The following COIL variants were observed in gnomAD, a reference collection of about 807,000 sequenced individuals.
The protein encoded by COIL is coilin.
COIL carries 28 observed loss-of-function variants against 51.6 expected under a neutral mutation model. That is an observed-to-expected ratio of 0.54 (90% CI 0.40 to 0.74). The LOEUF is 0.74. COIL is among the 30% of genes least tolerant of loss of function. The pLI is 0.00. For missense variants in COIL, 667 were observed against 685.9 expected, an observed-to-expected ratio of 0.97 and a Z score of 0.31; for synonymous variants, 233 against 255.8, an observed-to-expected ratio of 0.91 and a Z score of 0.85.
chr17:56,959,687 A>G (rs1233019967), intron 1 of COIL, among the ~76,000 whole-genome samples: 1 of 152,238 alleles, frequency 6.6e-6, no homozygotes, highest in Non-Finnish European at 1.5e-5. Context: ...TGAAGAAAAC[A>G]CAACGATTCC....
intron 5 of COIL, among the ~76,000 whole-genome samples, chr17:56,944,928 G>T (rs1284827656): frequency 4.6e-5 from 7 of 151,956 alleles, no homozygotes; most frequent in African/African-American, 2.4e-5. Flanking sequence ...GAGGCAGGAG[G>T]ATGGTGCGAA....
intron 1 of COIL, among the ~76,000 whole-genome samples, chr17:56,953,410 C>CAAAAAAAAAAA (rs11382949): frequency 2.4e-5 from 2 of 84,498 alleles, no homozygotes; most frequent in African/African-American, 4.5e-5. Context: ...GACTCCGTCT[C>CAAAAAAAAAAA]AAAAAAAAAA....
chr17:56,959,361 A>G (rs1265846722), intron 1 of COIL, among the ~76,000 whole-genome samples: 1 of 152,142 alleles, frequency 6.6e-6, no homozygotes, highest in Non-Finnish European at 1.5e-5. Flanking sequence ...AAGAAAAAAA[A>G]AAGTCTGAAT....
chr17:56,950,951 G>C lies in COIL; in HGVS notation c.291C>G (p.Ile97Met), dbSNP rs1390689595. The part of the protein sequence containing the change: ...ERGVAENSVV[I>M]SNGDINLSLR... ...GAGATAAATTAATGTCACCATTACTGATGACTACAGAATTCTCAGCAACTC... is the reference window on the plus strand; with the variant it reads ...GAGATAAATTAATGTCACCATTACTCATGACTACAGAATTCTCAGCAACTC... Residue 97 changes from isoleucine (I) to methionine (M), a missense_variant, in exon 2 of 7, where the codon ATC becomes ATG. By Grantham distance (10) the Ile-to-Met change is conservative. Transcript: ENST00000240316. The C allele has an allele frequency of 3.1e-5, 50 of 1,611,172 alleles. No homozygotes were observed. The highest frequency in any genetic ancestry group is 4.2e-5 in the Non-Finnish European group (49 of 1,179,736).
intron 1 of COIL, among the ~76,000 whole-genome samples, chr17:56,960,013 C>A (rs1432553688): frequency 2.6e-5 from 4 of 152,136 alleles, no homozygotes; most frequent in African/African-American, 9.7e-5. Flanking sequence ...GAGTTCAAGA[C>A]CAGCCTGGCC....
chr17:56,955,080 T>C (rs1270696535), intron 1 of COIL, among the ~76,000 whole-genome samples: 1 of 152,220 alleles, frequency 6.6e-6, no homozygotes, highest in Non-Finnish European at 1.5e-5. Context: ...CTTTTCTTTT[T>C]TCGAGATGGA....
intron 4 of COIL, among the ~76,000 whole-genome samples, chr17:56,947,139 G>C (rs1469679703): frequency 2.0e-5 from 3 of 152,138 alleles, no homozygotes; most frequent in Non-Finnish European, 4.4e-5. Context: ...GGTATATACT[G>C]AGAGGCCAAG....
chr17:56,942,166 C>T (rs1598092177), intron 5 of COIL, 43 bp from the exon 6 acceptor site: 1 of 1,467,954 alleles, frequency 6.8e-7, no homozygotes, highest in South Asian at 1.1e-5. Flanking sequence ...AGTCATTTTT[C>T]AATAGTTAAA....
intron 5 of COIL, 79 bp from the exon 6 acceptor site, chr17:56,942,202 T>A (rs1366039734): frequency 8.7e-7 from 1 of 1,155,418 alleles, no homozygotes. Context: ...GGAATTTATA[T>A]CATTAAGAAA....
chr17:56,949,438 A>G lies in COIL; in HGVS notation c.1441-4T>C. On this transcript the variant is annotated splice_region_variant and splice_polypyrimidine_tract_variant and intron_variant, in intron 3 of 6. Coordinates refer to ENST00000240316, the MANE Select transcript of COIL (RefSeq NM_004645.3). ...AACTGGATGTTAGCTCCAAAAGCTAAAAAAGAAGAAAAAACCCACAAATAC... is the reference window on the plus strand; with the variant it reads ...AACTGGATGTTAGCTCCAAAAGCTAGAAAAGAAGAAAAAACCCACAAATAC... The G allele has an allele frequency of 6.2e-7, 1 of 1,604,058 alleles. No individual in the cohort carries two copies. The highest frequency in any genetic ancestry group is 8.5e-7 in the Non-Finnish European group (1 of 1,177,696).
rs74662836 is a variant in COIL at position 56,943,209 on chromosome 17, G to A, written c.1559-1086C>T. The stretch of plus-strand genomic sequence containing the variant: ...TATACTCTTTTCTAAGTTTGAAACT[G>A]CTTTCTACATTTTATCCTTTGAACT... On this transcript the variant is annotated intron_variant, in intron 5 of 6. Coordinates refer to ENST00000240316, the MANE Select transcript of COIL (RefSeq NM_004645.3). Among the ~76,000 whole-genome samples the A allele has an allele frequency of 2.9e-3, 438 of 152,294 alleles. 17 individuals are homozygous for A. In the East Asian group the frequency reaches 0.076, roughly 26 times the overall value.
At chr17:56,959,560 CAAG>C (rs1910544218) in intron 1 of COIL, among the ~76,000 whole-genome samples, 1 of 152,200 alleles carries the variant, frequency 6.6e-6, no homozygotes, top group Non-Finnish European at 1.5e-5. Flanking sequence ...CAAAAGGACT[CAAG>C]ACACTTATTT....
At chr17:56,957,052 T>G (rs1910497076) in intron 1 of COIL, among the ~76,000 whole-genome samples, 1 of 152,118 alleles carries the variant, frequency 6.6e-6, no homozygotes, top group Non-Finnish European at 1.5e-5. Context: ...GGAGGACTAC[T>G]TGAGCCCAGG....
intron 5 of COIL, among the ~76,000 whole-genome samples, chr17:56,944,185 T>C (rs1357353490): frequency 3.9e-5 from 6 of 152,124 alleles, no homozygotes; most frequent in Non-Finnish European, 7.4e-5. Context: ...TCACTATTAA[T>C]CACCTGACAA....
chr17:56,950,003 C>T lies in COIL; in HGVS notation c.1239G>A (p.Arg413=), dbSNP rs2144398302. ...GATGCCCTCGTCCTCGACCTCTCCC[C>T]CGCATGCCCCGTCCCTTAGCTCCCT... ...SWKGAKGRGM[R]GRGRGRGHPV... Residue 413 remains arginine (R), a synonymous_variant, in exon 2 of 7, where the codon CGG becomes CGA. Transcript: ENST00000240316. 1.9e-6 allele frequency: 3 copies of T among 1,614,196 alleles called. No individual in the cohort carries two copies. The East Asian group carries it at 6.7e-5, about 36-fold the overall frequency.
At chr17:56,959,591 T>C (rs1220596584) in intron 1 of COIL, among the ~76,000 whole-genome samples, 1 of 152,184 alleles carries the variant, frequency 6.6e-6, no homozygotes, top group African/African-American at 2.4e-5. Flanking sequence ...TCCCAAAATG[T>C]CTGGGTGAGA....
intron 3 of COIL, 51 bp downstream of exon 3, chr17:56,949,630 T>C (rs1891302127): frequency 6.6e-7 from 1 of 1,520,420 alleles, no homozygotes; most frequent in Non-Finnish European, 9.1e-7. Flanking sequence ...AGTAAGTTTA[T>C]TTGGAAGGGG....
intron 5 of COIL, among the ~76,000 whole-genome samples, chr17:56,943,689 T>C (rs1213381168): frequency 6.6e-6 from 1 of 152,216 alleles, no homozygotes; most frequent in African/African-American, 2.4e-5. Flanking sequence ...ATTTATGTTA[T>C]ATAGTGATAT....
In COIL at chr17:56,960,843, G is replaced by C. The variant is rs1910584306; in HGVS notation, c.177C>G (p.Leu59=). The C allele has an allele frequency of 3.1e-6, 5 of 1,609,204 alleles. No homozygotes were observed. The highest frequency in any genetic ancestry group is 4.2e-6 in the Non-Finnish European group (5 of 1,178,046). ...GGGGCAAGAGCCCCCCCTCCAGGTA[G>C]AGGCCTAGGAAGGCCCCAGAACTGA... ...FGFSSGAFLG[L]YLEGGLLPPA... The change falls in exon 1 of 7, where the codon CTC becomes CTG. Residue 59 remains leucine, a synonymous_variant. Coordinates refer to ENST00000240316, the MANE Select transcript of COIL (RefSeq NM_004645.3).
Sources: gnomAD v4.1 joint callset for allele counts (sites outside exome capture counted in the v4.1 genomes callset) on GRCh38, gnomAD v4.1.1 for gene constraint, MANE v1.5 for transcripts, NCBI Gene and HGNC (gene_info 2026-07-23, HGNC 2026-07-21) for gene names.